Variants in TBC1D4 observed in about 807,000 individuals in gnomAD.
TBC1D4 encodes the protein TBC (Tre-2, BUB2, CDC16) domain-containing protein.
Under a neutral mutation model 142.5 loss-of-function variants are expected in TBC1D4, and 121 were observed. The observed-to-expected ratio is 0.85, with a 90% CI of 0.73 to 0.99. TBC1D4 has a LOEUF of 0.99. Among genes scored for constraint, TBC1D4 ranks in the 50% least tolerant of loss-of-function variants. The pLI is 0.00. For synonymous variants in TBC1D4, 630 were observed against 628.2 expected (o/e 1.00, Z -0.04); for missense variants, 1,475 against 1,606.6 (o/e 0.92, Z 1.40).
intron 1 of TBC1D4, among the ~76,000 whole-genome samples, chr13:75,410,014 T>G (rs1459843366): frequency 6.6e-6 from 1 of 152,226 alleles, no homozygotes; most frequent in Admixed American, 6.5e-5. Context: ...TTTGTTTATC[T>G]TAACCAAATT....
At chr13:75,350,790 G>GCT (rs909105199) in intron 4 of TBC1D4, among the ~76,000 whole-genome samples, 17 of 151,960 alleles carry the variant, frequency 1.1e-4, no homozygotes, top group African/African-American at 4.1e-4. Flanking sequence ...AACTTTTGAT[G>GCT]TTTTTGCTAT....
chr13:75,403,311 G>A lies in TBC1D4; in HGVS notation c.499-40704C>T, dbSNP rs77758085. ...TAAGATAATTATTAGTTCTAGTTTC[G>A]CAGCTAGCAACAAAATCACTTGCTA... On this transcript the variant is annotated intron_variant, in intron 1 of 20. Transcript: ENST00000377636. Among the ~76,000 whole-genome samples the A allele has an allele frequency of 3.0e-3, 460 of 152,194 alleles. 1 individual carries two copies. The highest frequency in any genetic ancestry group is 0.011 in the African/African-American group (441 of 41,532).
intron 1 of TBC1D4, among the ~76,000 whole-genome samples, chr13:75,454,637 TTTA>T (rs1887653874): frequency 6.6e-6 from 1 of 152,196 alleles, no homozygotes; most frequent in Admixed American, 6.5e-5. Context: ...ACTGCTAGAC[TTTA>T]TTAAGCAATA....
At position 75,299,526 on chromosome 13, in the gene TBC1D4, C is replaced by G. The variant is rs1876301315; in HGVS notation, c.2960G>C (p.Gly987Ala). The G allele has an allele frequency of 6.2e-7, 1 of 1,614,112 alleles. No homozygotes were observed. Among genetic ancestry groups the G allele is most frequent in the Non-Finnish European group, 8.5e-7 (1 of 1,179,984 alleles). ...CAGGAGGTTAAACAGTGACAGCTGT[C>G]CTGGCCCAAGCTGTACTGAAAAGTA... ...HPYFSVQLGPGQLSLFNLLKA... is the reference protein window; with the variant it reads ...HPYFSVQLGPAQLSLFNLLKA... The change falls in exon 17 of 21, where the codon GGA becomes GCA. Residue 987 changes from glycine to alanine, a missense_variant. By Grantham distance (60) the Gly-to-Ala change is moderately conservative. This residue lies in a region of TBC1D4 where 1,227 missense variants were observed against 1,267.7 expected (regional missense o/e 0.97). Transcript: ENST00000377636.
chr13:75,300,133 T>A (rs1292955003), intron 16 of TBC1D4, among the ~76,000 whole-genome samples: 1 of 152,222 alleles, frequency 6.6e-6, no homozygotes, highest in Non-Finnish European at 1.5e-5. Context: ...TTTTCAACTA[T>A]CGTTCGCTCT....
At position 75,387,750 on chromosome 13, in the gene TBC1D4, G is replaced by A. The variant is rs150995834; in HGVS notation, c.499-25143C>T. On this transcript the variant is annotated intron_variant, in intron 1 of 20. Coordinates refer to ENST00000377636, the MANE Select transcript of TBC1D4 (RefSeq NM_014832.5). Reference sequence around the variant, plus strand: ...CTATGTCTGCCTAACACCCAAGACTGAAGAAGCACATTTTGTTATGAGTCA... The same window carrying A: ...CTATGTCTGCCTAACACCCAAGACTAAAGAAGCACATTTTGTTATGAGTCA... Among the ~76,000 whole-genome samples the A allele has an allele frequency of 3.5e-3, 531 of 152,298 alleles. 9 individuals are homozygous for A. The highest frequency in any genetic ancestry group is 0.012 in the African/African-American group (505 of 41,564).
intron 1 of TBC1D4, among the ~76,000 whole-genome samples, chr13:75,372,920 A>G (rs951004354): frequency 8.5e-5 from 13 of 152,240 alleles, no homozygotes; most frequent in African/African-American, 2.2e-4. Context: ...CACAATAAAC[A>G]TAATAGGAAA....
chr13:75,415,981 T>A (rs1261095998), intron 1 of TBC1D4, among the ~76,000 whole-genome samples: 1 of 152,248 alleles, frequency 6.6e-6, no homozygotes, highest in Non-Finnish European at 1.5e-5. Context: ...GCAATCTGAC[T>A]CACTAGGAAT....
chr13:75,362,524 G>A lies in TBC1D4; in HGVS notation c.582C>T (p.Asp194=), dbSNP rs765840835. 2.5e-6 allele frequency: 4 copies of A among 1,614,074 alleles called. No individual in the cohort carries two copies. The highest frequency in any genetic ancestry group is 1.3e-5 in the African/African-American group (1 of 74,928). ...EDAKPSKDNE[D]AFYNSQKFEV... ...CGAACTTCTGAGAGTTGTAAAAGGCGTCCTCATTATCTTTGCTGGGTTTGG... is the reference window on the plus strand; with the variant it reads ...CGAACTTCTGAGAGTTGTAAAAGGCATCCTCATTATCTTTGCTGGGTTTGG... Residue 194 remains aspartate (D), a synonymous_variant, in exon 2 of 21, where the codon GAC becomes GAT. Coordinates refer to ENST00000377636, the MANE Select transcript of TBC1D4 (RefSeq NM_014832.5). This position sits in a 1 kb window ranked among gnomAD's most constrained non-coding sequence, Gnocchi z 4.2.
At chr13:75,332,431 C>T (rs1218810436) in intron 8 of TBC1D4, among the ~76,000 whole-genome samples, 1 of 152,202 alleles carries the variant, frequency 6.6e-6, no homozygotes, top group Non-Finnish European at 1.5e-5. Flanking sequence ...CTGACACCTA[C>T]TTAAATGGTC....
intron 1 of TBC1D4, among the ~76,000 whole-genome samples, chr13:75,390,103 T>A (rs893770704): frequency 4.0e-5 from 6 of 151,538 alleles, no homozygotes; most frequent in Admixed American, 2.0e-4. Flanking sequence ...TGGTGAAACC[T>A]CGTCTCTACT....
rs1032645980 is a variant in TBC1D4, at chr13:75,326,502, G to C, written c.1807-79C>G. ...CTGCCAAAACACAGAGCTCAAAAGT[G>C]ACAGTGTGCCTCATCTTCCTCCTGA... On this transcript the variant is annotated intron_variant, in intron 9 of 20. Transcript: ENST00000377636. 4 of 1,442,370 alleles carry C rather than the reference G, an allele frequency of 2.8e-6. No individual in the cohort carries two copies. The East Asian group carries it at 9.2e-5, about 33-fold the overall frequency. The allele number at this position is 1,442,370 out of a possible 1,614,324, so 89.3% of individuals were successfully genotyped here. A position where few individuals can be genotyped will look rare whatever the true frequency, so the allele number is the denominator to read the frequency against.
intron 11 of TBC1D4, among the ~76,000 whole-genome samples, chr13:75,321,951 AT>A (rs758490024): frequency 2.6e-4 from 39 of 152,376 alleles, no homozygotes; most frequent in Non-Finnish European, 4.9e-4. Context: ...AGGCTGTATC[AT>A]TCCATTTATA....
intron 13 of TBC1D4, among the ~76,000 whole-genome samples, chr13:75,312,424 A>AAAGAAAGAAAG (rs1555301659): frequency 5.9e-5 from 8 of 136,000 alleles, no homozygotes; most frequent in Non-Finnish European, 7.6e-5. Flanking sequence ...GGGAAAAAAA[A>AAAGAAAGAAAG]AAAGAAAGAA....
chr13:75,415,027 G>A (rs760625698), intron 1 of TBC1D4, among the ~76,000 whole-genome samples: 7 of 151,602 alleles, frequency 4.6e-5, no homozygotes, highest in Non-Finnish European at 1.0e-4. Context: ...GGGAGGCTGA[G>A]GCAAGAGAAT....
intron 1 of TBC1D4, among the ~76,000 whole-genome samples, chr13:75,449,832 G>A (rs965146595): frequency 1.3e-5 from 2 of 152,054 alleles, no homozygotes; most frequent in Non-Finnish European, 2.9e-5. Context: ...TGATCCACCT[G>A]TCTTGGCCTC....
chr13:75,481,223 T>TA, intron 1 of TBC1D4, 47 bp downstream of exon 1: 1 of 911,054 alleles, frequency 1.1e-6, no homozygotes, highest in East Asian at 4.0e-5. Context: ...TGCTCCCCGA[T>TA]CCCCCAAGGC....
intron 8 of TBC1D4, among the ~76,000 whole-genome samples, chr13:75,333,323 T>C (rs1879914834): frequency 6.6e-6 from 1 of 152,212 alleles, no homozygotes; most frequent in South Asian, 2.1e-4. Context: ...TTGATGACTG[T>C]ACAATGGCAG....
At chr13:75,312,616 C>T in intron 13 of TBC1D4, 122 bp downstream of exon 13, 1 of 1,300,800 alleles carries the variant, frequency 7.7e-7, no homozygotes, top group Non-Finnish European at 1.1e-6. Context: ...ACCACTGTAT[C>T]ACATACAGAA....
Sources: allele counts gnomAD v4.1 joint callset (sites outside exome capture counted in the v4.1 genomes callset), GRCh38; gene constraint gnomAD v4.1.1; regional missense constraint gnomAD v4.1.1; non-coding constraint Gnocchi (gnomAD v3.1); transcripts MANE v1.5; gene names NCBI Gene and HGNC (gene_info 2026-07-23, HGNC 2026-07-21).